The following HYDIN variants were observed in gnomAD, a reference collection of about 807,000 sequenced individuals.
HYDIN encodes axonemal central pair apparatus protein HYDIN.
HYDIN carries 132 observed loss-of-function variants against 403.9 expected under a neutral mutation model. That is an observed-to-expected ratio of 0.33 (90% CI 0.28 to 0.38). The LOEUF (loss-of-function observed/expected upper bound fraction) is 0.38. Among genes scored for constraint, HYDIN ranks in the 10% least tolerant of loss-of-function variants. The pLI is 1.00. For synonymous variants in HYDIN, 1,202 were observed against 1,891.7 expected (o/e 0.64, Z 9.46); for missense variants, 2,827 against 5,009.5 (o/e 0.56, Z 13.15).
chr16:71,061,422 T>C (rs1330210873), intron 17 of HYDIN, among the ~76,000 whole-genome samples: 2 of 152,398 alleles, frequency 1.3e-5, no homozygotes, highest in South Asian at 2.1e-4. Context: ...TAAGGTGACA[T>C]CACTAGTTCC....
rs537601520 is a variant in HYDIN at position 71,171,818 on chromosome 16, C to G, written c.516+3789G>C. ...ATGCTCTTCTCATCTGTAGGCTAAC[C>G]TCAAGTCAAAGAAACTTCTTTATAT... On this transcript the variant is annotated intron_variant, in intron 5 of 85. Coordinates refer to ENST00000393567, the MANE Select transcript of HYDIN (RefSeq NM_001270974.2). Among the ~76,000 whole-genome samples, 24 of 152,238 alleles carry G rather than the reference C, an allele frequency of 1.6e-4. 1 individual carries two copies. The South Asian group carries it at 5.0e-3, about 32-fold the overall frequency.
At chr16:71,004,774 T>C (rs1480259000) in intron 23 of HYDIN, among the ~76,000 whole-genome samples, 1 of 152,210 alleles carries the variant, frequency 6.6e-6, no homozygotes, top group Non-Finnish European at 1.5e-5. Context: ...TATATTTTTC[T>C]CTGAAAAGAG....
At chr16:70,871,619 T>A (rs937576297) in intron 65 of HYDIN, among the ~76,000 whole-genome samples, 1 of 151,686 alleles carries the variant, frequency 6.6e-6, no homozygotes, top group Non-Finnish European at 1.5e-5. Flanking sequence ...AGGATGGAGC[T>A]TGGAACATTT....
At chr16:70,832,703 G>A (rs1433182997) in intron 80 of HYDIN, 145 bp downstream of exon 80, 2 of 615,142 alleles carry the variant, frequency 3.3e-6, no homozygotes, top group Admixed American at 2.9e-5. Flanking sequence ...GAAGAGGGGA[G>A]AATGAATATT....
In HYDIN at chr16:70,802,803, T is replaced by TA. The variant is rs1424248664; in HGVS notation, c.*4776dup. On this transcript the variant is annotated 3_prime_UTR_variant, in exon 86 of 86. Coordinates refer to ENST00000393567, the MANE Select transcript of HYDIN (RefSeq NM_001270974.2). Reference sequence around the variant, plus strand: ...GATATATCATGTCTAGAAAAATCCATAAAAAATGTATTCTCCTATACAGGT... The same window carrying TA: ...GATATATCATGTCTAGAAAAATCCATAAAAAAATGTATTCTCCTATACAGGT... The TA allele has an allele frequency of 3.3e-5, 5 of 152,192 alleles. No individual in the cohort carries two copies. Among genetic ancestry groups the TA allele is most frequent in the African/African-American group, 1.2e-4 (5 of 41,448 alleles). 9.4% of individuals were successfully genotyped at this position (152,192 alleles called of 1,614,324 possible). A position where few individuals can be genotyped will look rare whatever the true frequency, so the allele number is the denominator to read the frequency against.
At chr16:71,211,426 G>A (rs1207925885) in intron 1 of HYDIN, among the ~76,000 whole-genome samples, 1 of 151,064 alleles carries the variant, frequency 6.6e-6, no homozygotes, top group Non-Finnish European at 1.5e-5. Context: ...GGATCACGAG[G>A]TCAGGAGATC....
intron 45 of HYDIN, chr16:70,933,561 G>A (rs963948954): frequency 1.3e-5 from 2 of 153,418 alleles, no homozygotes; most frequent in Admixed American, 1.3e-4. Context: ...GTGACCTTGG[G>A]TGCATCACTT....
intron 23 of HYDIN, among the ~76,000 whole-genome samples, chr16:70,992,874 G>C (rs2079404019): frequency 6.6e-6 from 1 of 152,166 alleles, no homozygotes; most frequent in Admixed American, 6.5e-5. Flanking sequence ...TGATTAAAAA[G>C]GCCTTTGGAT....
rs1463584839 is a variant in HYDIN, at chr16:70,985,301, T to G, written c.4216A>C (p.Arg1406=). ...CCCATGTTCGTCAGCGTGATTTCCC[T>G]CTCTGTGACATGGTCAAACAGCTTG... ...GLQLFDHVTE[R]EITLTNMGKV... The change falls in exon 28 of 86, where the codon AGG becomes CGG. Residue 1406 remains arginine (R), a synonymous_variant. Transcript: ENST00000393567. 1 of 1,511,318 alleles carries G rather than the reference T, an allele frequency of 6.6e-7. No homozygotes were observed. The highest frequency in any genetic ancestry group is 1.8e-5 in the Admixed American group (1 of 55,976). 93.6% of individuals were successfully genotyped at this position (1,511,318 alleles called of 1,614,324 possible).
intron 1 of HYDIN, among the ~76,000 whole-genome samples, chr16:71,223,143 A>G (rs2144764196): frequency 6.6e-6 from 1 of 152,348 alleles, no homozygotes; most frequent in South Asian, 2.1e-4. Context: ...CCAATAGAAC[A>G]GAACAGAGTA....
At chr16:70,930,338 G>A (rs573477191) in intron 45 of HYDIN, among the ~76,000 whole-genome samples, 12 of 152,276 alleles carry the variant, frequency 7.9e-5, no homozygotes, top group East Asian at 7.7e-4. Context: ...AAAATTAGCC[G>A]GGCATGGTGG....
rs1352823157 is a variant in HYDIN, at chr16:71,165,504, C to T, written c.517-2774G>A. ...TCTAGTATATCGTATATTCTACCTC[C>T]CCAGTGAGTGTAGTGCATGTCTCCC... On this transcript the variant is annotated intron_variant, in intron 5 of 85. Transcript: ENST00000393567. Among the ~76,000 whole-genome samples, 10 of 150,138 alleles carry T rather than the reference C, an allele frequency of 6.7e-5. No individual in the cohort carries two copies. The Admixed American group carries it at 6.7e-4, about 10-fold the overall frequency.
At position 70,829,711 on chromosome 16, in the gene HYDIN, A is replaced by G. The variant is rs2036840243; in HGVS notation, c.14019T>C (p.Pro4673=). ...GGTGGGCCTCCAGGGTGATGAACTC[A>G]GGCCCCTCCCAGTGCTCGCCCTCAA... ...PIFEGEHWEG[P]EFITLEAHQQ... The change falls in exon 81 of 86, where the codon CCT becomes CCC. Residue 4673 remains proline (P), a synonymous_variant. Coordinates refer to ENST00000393567, the MANE Select transcript of HYDIN (RefSeq NM_001270974.2). The G allele has an allele frequency of 6.2e-7, 1 of 1,613,788 alleles. No homozygotes were observed. Among genetic ancestry groups the G allele is most frequent in the Non-Finnish European group, 8.5e-7 (1 of 1,179,834 alleles).
chr16:71,160,495 T>TTA (rs1405752320), intron 6 of HYDIN, among the ~76,000 whole-genome samples: 1 of 151,590 alleles, frequency 6.6e-6, no homozygotes, highest in African/African-American at 2.4e-5. Flanking sequence ...AACTTGTGTC[T>TTA]TATGAAGGTG....
Position 70,802,912 on chromosome 16 carries a change from C to T in HYDIN, c.*4668G>A, listed in dbSNP as rs2034949385. ...CGCTAACAAGTAGTAGTAGTGCTGC[C>T]AAGGACATCTCCAAATGTCTTGCAA... On this transcript the variant is annotated 3_prime_UTR_variant, in exon 86 of 86. Transcript: ENST00000393567. The T allele has an allele frequency of 6.6e-6, 1 of 152,070 alleles. No individual in the cohort carries two copies. Among genetic ancestry groups the T allele is most frequent in the Admixed American group, 6.6e-5 (1 of 15,264 alleles). The allele number at this position is 152,070 out of a possible 1,614,324, so 9.4% of individuals were successfully genotyped here.
chr16:70,949,287 A>C (rs1433526592), intron 41 of HYDIN, among the ~76,000 whole-genome samples: 5 of 124,370 alleles, frequency 4.0e-5, no homozygotes, highest in African/African-American at 6.1e-5. Context: ...GAAGGGGAAC[A>C]TCACACTCTG....
intron 30 of HYDIN, among the ~76,000 whole-genome samples, chr16:70,976,614 T>G (rs111341903): frequency 3.4e-4 from 51 of 150,648 alleles, no homozygotes; most frequent in South Asian, 1.7e-3. Flanking sequence ...TGTACTATAG[T>G]TATACGAGAC....
rs1350912665 is a variant in HYDIN, at chr16:71,230,676, C to G, written c.-138G>C. The G allele has an allele frequency of 9.8e-6, 15 of 1,535,966 alleles. No individual in the cohort carries two copies. The highest frequency in any genetic ancestry group is 9.6e-6 in the Non-Finnish European group (11 of 1,146,868). On this transcript the variant is annotated 5_prime_UTR_variant, in exon 1 of 86. Transcript: ENST00000393567. ...GCTCCATACCCAGCTTGAAGCCGCC[C>G]GCACTCTCCATGCGCCGCCCGAGCT...
chr16:71,022,398 C>T (rs2080529959), intron 21 of HYDIN, among the ~76,000 whole-genome samples: 1 of 152,156 alleles, frequency 6.6e-6, no homozygotes, highest in African/African-American at 2.4e-5. Flanking sequence ...TTCAATCCCA[C>T]AGAGATGTGG....
Sources: allele counts gnomAD v4.1 joint callset (sites outside exome capture counted in the v4.1 genomes callset), GRCh38; gene constraint gnomAD v4.1.1; transcripts MANE v1.5; gene names NCBI Gene and HGNC (gene_info 2026-07-23, HGNC 2026-07-21).